Variants in ZBTB16 observed in about 807,000 individuals in gnomAD.
ZBTB16 encodes the protein zinc finger and BTB domain containing 16.
ZBTB16 carries 8 observed loss-of-function variants against 56.8 expected under a neutral mutation model. The ratio of observed to expected loss-of-function variants is 0.14; its 90% CI spans 0.08 to 0.25. ZBTB16 has a LOEUF of 0.25. ZBTB16 is among the 10% of genes least tolerant of loss of function. ZBTB16 has a pLI of 1.00. For missense variants in ZBTB16, 625 were observed against 903.0 expected (o/e 0.69, Z 3.95); for synonymous variants, 363 against 368.5 (o/e 0.98, Z 0.17).
chr11:114,175,518 G>A (rs868511041), intron 3 of ZBTB16, among the ~76,000 whole-genome samples: 1 of 151,652 alleles, frequency 6.6e-6, no homozygotes, highest in Non-Finnish European at 1.5e-5. Context: ...GTGCAGTGGC[G>A]TGATTTCAGC....
Position 114,178,983 on chromosome 11 carries a change from G to A in ZBTB16, c.1367-7969G>A, listed in dbSNP as rs562996438. On this transcript the variant is annotated intron_variant, in intron 3 of 6. Coordinates refer to ENST00000335953, the MANE Select transcript of ZBTB16 (RefSeq NM_006006.6). The stretch of plus-strand genomic sequence containing the variant: ...TTGCTCAGCCCAGGAGAATTCCCTG[G>A]TGTCTTTCTCCATCCTATATTTATG... Among the ~76,000 whole-genome samples, 10 of 152,218 alleles carry A rather than the reference G, an allele frequency of 6.6e-5. No homozygotes were observed. The South Asian group carries it at 2.1e-3, about 32-fold the overall frequency.
chr11:114,111,095 G>C (rs947686649), intron 2 of ZBTB16, among the ~76,000 whole-genome samples: 18 of 152,004 alleles, frequency 1.2e-4, no homozygotes, highest in Admixed American at 1.2e-3. Context: ...CCAAAAAGCA[G>C]TGACATGTTT....
chr11:114,133,063 T>C (rs1941707991), intron 2 of ZBTB16, among the ~76,000 whole-genome samples: 1 of 152,206 alleles, frequency 6.6e-6, no homozygotes, highest in South Asian at 2.1e-4. Context: ...TGTCTGACTC[T>C]TTTTATAGTG....
chr11:114,148,863 GGTGTGTGT>G lies in ZBTB16; in HGVS notation c.1269-7443_1269-7436del, dbSNP rs35071911. Among the ~76,000 whole-genome samples the G allele has an allele frequency of 2.6e-3, 372 of 144,022 alleles. 1 individual carries two copies. The highest frequency in any genetic ancestry group is 8.2e-3 in the African/African-American group (315 of 38,294). The allele number at this position is 144,022 out of a possible 152,430, so 94.5% of individuals were successfully genotyped here. On this transcript the variant is annotated intron_variant, in intron 2 of 6. Coordinates refer to ENST00000335953, the MANE Select transcript of ZBTB16 (RefSeq NM_006006.6). ...ACAGTAGGGGCAACTGTTTTTTACT[GGTGTGTGT>G]GTGTGTGTGTGTGTGTGTGTGTGTG...
At position 114,251,156 on chromosome 11, in the gene ZBTB16, G is replaced by A. The variant is rs577040950; in HGVS notation, c.*601G>A. ...GCTTTGCCACATCTGGGTGTCCCCC[G>A]GTGGTCTCTGAGAGCCTCAGGACCC... On this transcript the variant is annotated 3_prime_UTR_variant, in exon 7 of 7. Coordinates refer to ENST00000335953, the MANE Select transcript of ZBTB16 (RefSeq NM_006006.6). Among the ~76,000 whole-genome samples the A allele has an allele frequency of 3.3e-5, 5 of 151,940 alleles. No homozygotes were observed. Among genetic ancestry groups the A allele is most frequent in the East Asian group, 1.9e-4 (1 of 5,164 alleles).
chr11:114,194,319 C>T (rs1243219040), intron 4 of ZBTB16, among the ~76,000 whole-genome samples: 1 of 152,182 alleles, frequency 6.6e-6, no homozygotes, highest in Non-Finnish European at 1.5e-5. Context: ...CCAATTCCAG[C>T]CTATCCAAGA....
At chr11:114,249,083 G>C (rs1301752995) in intron 6 of ZBTB16, among the ~76,000 whole-genome samples, 1 of 152,104 alleles carries the variant, frequency 6.6e-6, no homozygotes, top group Non-Finnish European at 1.5e-5. Flanking sequence ...TGCACTCCCA[G>C]GTTCTTTATC....
At position 114,063,852 on chromosome 11, in the gene ZBTB16, C is replaced by T; in HGVS notation, c.552C>T (p.Ser184=). Residue 184 remains serine, a synonymous_variant, in exon 2 of 7, where the codon AGC becomes AGT. Coordinates refer to ENST00000335953, the MANE Select transcript of ZBTB16 (RefSeq NM_006006.6). The surrounding 1 kb of genome is among the most constrained non-coding windows in gnomAD (Gnocchi z 6.5). ...TCCCTGGGCCCATGGTGGACCAGAGCCCTTCAGTCTCCACTTCATTTGGTC... is the reference window on the plus strand; with the variant it reads ...TCCCTGGGCCCATGGTGGACCAGAGTCCTTCAGTCTCCACTTCATTTGGTC... The part of the protein sequence containing the change: ...QSLPGPMVDQ[S]PSVSTSFGLS... 1 of 1,614,120 alleles carries T rather than the reference C, an allele frequency of 6.2e-7. No homozygotes were observed. The highest frequency in any genetic ancestry group is 8.5e-7 in the Non-Finnish European group (1 of 1,180,028).
intron 2 of ZBTB16, among the ~76,000 whole-genome samples, chr11:114,137,438 G>T (rs909656949): frequency 6.6e-6 from 1 of 152,186 alleles, no homozygotes; most frequent in African/African-American, 2.4e-5. Flanking sequence ...GGCACTTCCC[G>T]TGTCTCAGCC....
chr11:114,202,193 C>T (rs923487027), intron 4 of ZBTB16, among the ~76,000 whole-genome samples: 1 of 152,154 alleles, frequency 6.6e-6, no homozygotes, highest in African/African-American at 2.4e-5. Flanking sequence ...CTTACACCGA[C>T]ATAAGGACTG....
intron 2 of ZBTB16, among the ~76,000 whole-genome samples, chr11:114,100,859 A>G (rs1940581574): frequency 6.6e-6 from 1 of 152,070 alleles, no homozygotes; most frequent in Non-Finnish European, 1.5e-5. Context: ...GCTTTCGCAA[A>G]ACTTAAGGCT....
At chr11:114,228,405 G>A (rs556979953) in intron 4 of ZBTB16, among the ~76,000 whole-genome samples, 76 of 152,288 alleles carry the variant, frequency 5.0e-4, no homozygotes, top group Non-Finnish European at 9.3e-4. Flanking sequence ...ATGACTTGCT[G>A]GTTGCTTATA....
At chr11:114,161,775 T>A (rs1405163003) in intron 3 of ZBTB16, among the ~76,000 whole-genome samples, 1 of 152,124 alleles carries the variant, frequency 6.6e-6, no homozygotes, top group Admixed American at 6.5e-5. Flanking sequence ...AGTAAGAGGG[T>A]GACATATTTT....
chr11:114,119,523 A>G (rs1288584763), intron 2 of ZBTB16, among the ~76,000 whole-genome samples: 2 of 152,050 alleles, frequency 1.3e-5, no homozygotes, highest in East Asian at 1.9e-4. Context: ...GTCCTGGTGA[A>G]ACTGGAAAGA....
At chr11:114,217,467 C>T (rs1225169055) in intron 4 of ZBTB16, among the ~76,000 whole-genome samples, 1 of 152,124 alleles carries the variant, frequency 6.6e-6, no homozygotes, top group East Asian at 1.9e-4. Flanking sequence ...TTCGGGGTGA[C>T]GTCCAGGCAT....
At chr11:114,106,571 A>G (rs1383691498) in intron 2 of ZBTB16, among the ~76,000 whole-genome samples, 1 of 151,772 alleles carries the variant, frequency 6.6e-6, no homozygotes, top group Non-Finnish European at 1.5e-5. Context: ...CCTGGGTTCA[A>G]GCGATTCTCC....
At position 114,253,933 on chromosome 11, in the gene ZBTB16, G is replaced by A. The variant is rs1310604445; in HGVS notation, c.*3378G>A. Among the ~76,000 whole-genome samples the A allele has an allele frequency of 1.3e-5, 2 of 152,126 alleles. No individual in the cohort carries two copies. Among genetic ancestry groups the A allele is most frequent in the African/African-American group, 4.8e-5 (2 of 41,414 alleles). ...ACCTGACTCCTTCGGCCCCCTGGCT[G>A]CCTTTAGCTGTGGTACTGCTGACAA... On this transcript the variant is annotated 3_prime_UTR_variant, in exon 7 of 7. Transcript: ENST00000335953.
chr11:114,229,008 C>T (rs1467945126), intron 4 of ZBTB16, among the ~76,000 whole-genome samples: 4 of 152,104 alleles, frequency 2.6e-5, no homozygotes, highest in Non-Finnish European at 5.9e-5. Context: ...CCTGCAGAGT[C>T]GGGGTGAGTA....
chr11:114,220,827 C>T (rs1192229587), intron 4 of ZBTB16, among the ~76,000 whole-genome samples: 4 of 152,190 alleles, frequency 2.6e-5, no homozygotes, highest in African/African-American at 9.7e-5. Flanking sequence ...TAGGGATGCA[C>T]ACCACAGCAG....
Sources: allele counts gnomAD v4.1 joint callset (sites outside exome capture counted in the v4.1 genomes callset), GRCh38; gene constraint gnomAD v4.1.1; non-coding constraint Gnocchi (gnomAD v3.1); transcripts MANE v1.5; gene names NCBI Gene and HGNC (gene_info 2026-07-23, HGNC 2026-07-21).